The following FNDC5 variants were observed in gnomAD, a reference collection of about 807,000 sequenced individuals.
FNDC5 encodes the protein fibronectin type III domain containing 5, also known as fibronectin type III domain-containing protein 5.
FNDC5 carries 10 observed loss-of-function variants against 24.6 expected under a neutral mutation model. The ratio of observed to expected loss-of-function variants is 0.41; its 90% CI spans 0.25 to 0.69. The LOEUF is 0.69. Among genes scored for constraint, FNDC5 ranks in the 30% least tolerant of loss-of-function variants. The probability of loss-of-function intolerance (pLI) is 0.34; values close to 1 mark genes in which losing one functional copy is unlikely to be tolerated. For missense variants in FNDC5, 226 were observed against 282.9 expected, an observed-to-expected ratio of 0.80 and a Z score of 1.44; for synonymous variants, 90 against 110.7, an observed-to-expected ratio of 0.81 and a Z score of 1.18.
chr1:32,863,934 C>G lies in FNDC5; in HGVS notation c.*360G>C. 7.9e-7 allele frequency: 1 copy of G among 1,271,818 alleles called. No homozygotes were observed. The highest frequency in any genetic ancestry group is 1.0e-6 in the Non-Finnish European group (1 of 987,050). 78.8% of individuals were successfully genotyped at this position (1,271,818 alleles called of 1,614,324 possible). On this transcript the variant is annotated 3_prime_UTR_variant, in exon 6 of 6. Coordinates refer to ENST00000373471, the MANE Select transcript of FNDC5 (RefSeq NM_153756.3). ...TGTGGAAAGAAAAGAGAAGCCCTGC[C>G]TGGATGTCTTGTCTTTTTGCCTTTT...
In FNDC5 at chr1:32,868,225, G is replaced by C; in HGVS notation, c.374C>G (p.Pro125Arg). 6.2e-7 allele frequency: 1 copy of C among 1,614,124 alleles called. No homozygotes were observed. Among genetic ancestry groups the C allele is most frequent in the Non-Finnish European group, 8.5e-7 (1 of 1,180,026 alleles). ...GGAGGCCATCTTCTCAGCCTCACGC[G>C]GGGTCTTGAAGAGCACAGGCTCGCT... The change falls in exon 3 of 6, where the codon CCG (proline) becomes CGG (arginine). Residue 125 changes from proline (P) to arginine (R), a missense_variant. Coordinates refer to ENST00000373471, the MANE Select transcript of FNDC5 (RefSeq NM_153756.3). This position sits in a 1 kb window ranked among gnomAD's most constrained non-coding sequence, Gnocchi z 4.8.
chr1:32,870,649 T>C lies in FNDC5; in HGVS notation c.94+4A>G, dbSNP rs1422175481. 1 of 1,204,512 alleles carries C rather than the reference T, an allele frequency of 8.3e-7. No individual in the cohort carries two copies. The highest frequency in any genetic ancestry group is 1.0e-6 in the Non-Finnish European group (1 of 970,278). 74.6% of individuals were successfully genotyped at this position (1,204,512 alleles called of 1,614,324 possible). On this transcript the variant is annotated splice_donor_region_variant and intron_variant, in intron 1 of 5. Coordinates refer to ENST00000373471, the MANE Select transcript of FNDC5 (RefSeq NM_153756.3). ...CGCCGGCCCCCCGCCCCGGGCCCCC[T>C]TACCCGCCTGCACCAGCGCGAAGCA...
chr1:32,871,085 G>A (rs909299728), upstream of FNDC5: 2 of 149,486 alleles, frequency 1.3e-5, no homozygotes, highest in African/African-American at 4.9e-5. Context: ...GCGGACCCAC[G>A]GCTCCCGCCC....
At chr1:32,866,101 C>G (rs545987382) in intron 4 of FNDC5, among the ~76,000 whole-genome samples, 3 of 152,274 alleles carry the variant, frequency 2.0e-5, no homozygotes, top group African/African-American at 7.2e-5. Flanking sequence ...GTAGATAAAG[C>G]ATAACAACTT....
In FNDC5 at chr1:32,863,877, C is replaced by T; in HGVS notation, c.*417G>A. The T allele has an allele frequency of 2.3e-6, 3 of 1,306,058 alleles. No individual in the cohort carries two copies. The highest frequency in any genetic ancestry group is 3.0e-6 in the Non-Finnish European group (3 of 990,872). The allele number at this position is 1,306,058 out of a possible 1,614,324, so 80.9% of individuals were successfully genotyped here. On this transcript the variant is annotated 3_prime_UTR_variant, in exon 6 of 6. Coordinates refer to ENST00000373471, the MANE Select transcript of FNDC5 (RefSeq NM_153756.3). ...AAGAAGGAAGGGAGCAGCAGCAGGG[C>T]TGTAGCCTAAATAAGCCAAGCTCTT...
At chr1:32,872,460 CCT>C, upstream of FNDC5, 3 of 152,580 alleles carry the variant, frequency 2.0e-5, no homozygotes, top group Non-Finnish European at 4.4e-5. Context: ...AGCCAGAGCA[CCT>C]CTCTCTCTCT....
chr1:32,865,394 C>T (rs1205700707), intron 4 of FNDC5, among the ~76,000 whole-genome samples: 1 of 150,978 alleles, frequency 6.6e-6, no homozygotes, highest in Non-Finnish European at 1.5e-5. Context: ...CCACCATGCC[C>T]GGCAATCCCA....
At chr1:32,865,395 G>A (rs185586464) in intron 4 of FNDC5, among the ~76,000 whole-genome samples, 44 of 150,052 alleles carry the variant, frequency 2.9e-4, no homozygotes, top group African/African-American at 9.5e-4. Context: ...CACCATGCCC[G>A]GCAATCCCAG....
rs1351302275 is a variant in FNDC5, at chr1:32,864,672, G to C, written c.625C>G (p.Arg209Gly). Reference sequence around the variant, plus strand: ...CCAGGTCTTGCCCTCACCTTGCTGCGGAGAAGCCCCCCGCCCTGGTGCTCT... The same window carrying C: ...CCAGGTCTTGCCCTCACCTTGCTGCCGAGAAGCCCCCCGCCCTGGTGCTCT... The change falls in exon 5 of 6, where the codon CGC becomes GGC. Residue 209 changes from arginine (R) to glycine (G), a missense_variant. Arg to Gly is a moderately radical substitution (Grantham distance 125). Coordinates refer to ENST00000373471, the MANE Select transcript of FNDC5 (RefSeq NM_153756.3). 1.2e-6 allele frequency: 2 copies of C among 1,614,008 alleles called. No homozygotes were observed. The highest frequency in any genetic ancestry group is 1.7e-6 in the Non-Finnish European group (2 of 1,180,030).
chr1:32,863,748 A>G lies in FNDC5; in HGVS notation c.*546T>C, dbSNP rs772133195. On this transcript the variant is annotated 3_prime_UTR_variant, in exon 6 of 6. Transcript: ENST00000373471. ...CCTGCAGACAGGCAGTCACGCTTCAATGATGTTCACTGAGGGCTTGTTTGG... is the reference window on the plus strand; with the variant it reads ...CCTGCAGACAGGCAGTCACGCTTCAGTGATGTTCACTGAGGGCTTGTTTGG... 90 of 1,304,606 alleles carry G rather than the reference A, an allele frequency of 6.9e-5. No homozygotes were observed. Among genetic ancestry groups the G allele is most frequent in the Middle Eastern group, 6.4e-4 (3 of 4,702 alleles). 80.8% of individuals were successfully genotyped at this position (1,304,606 alleles called of 1,614,324 possible).
chr1:32,871,570 A>T (rs1259301101), upstream of FNDC5, among the ~76,000 whole-genome samples: 1 of 152,198 alleles, frequency 6.6e-6, no homozygotes, highest in Non-Finnish European at 1.5e-5. Context: ...CTTAATTCTC[A>T]GGGCAACCCT....
rs1186020076 is a variant in FNDC5 at position 32,870,867 on chromosome 1, T to G, written c.-121A>C. 4.3e-5 allele frequency: 7 copies of G among 161,956 alleles called. No individual in the cohort carries two copies. The highest frequency in any genetic ancestry group is 1.8e-4 in the African/African-American group (7 of 39,640). 10.0% of individuals were successfully genotyped at this position (161,956 alleles called of 1,614,324 possible). A position where few individuals can be genotyped will look rare whatever the true frequency, so the allele number is the denominator to read the frequency against. Reference sequence around the variant, plus strand: ...GCCGGCCCGGCCGCTCCGGCCGCCCTGCGCCGCCCCGAGCCGCCTGCATGT... The same window carrying G: ...GCCGGCCCGGCCGCTCCGGCCGCCCGGCGCCGCCCCGAGCCGCCTGCATGT... On this transcript the variant is annotated 5_prime_UTR_variant, in exon 1 of 6. Coordinates refer to ENST00000373471, the MANE Select transcript of FNDC5 (RefSeq NM_153756.3).
Position 32,863,605 on chromosome 1 carries a change from G to T in FNDC5, c.*689C>A. 1.1e-6 allele frequency: 1 copy of T among 916,676 alleles called. No homozygotes were observed. The highest frequency in any genetic ancestry group is 1.6e-6 in the Non-Finnish European group (1 of 644,852). 56.8% of individuals were successfully genotyped at this position (916,676 alleles called of 1,614,324 possible). A position where few individuals can be genotyped will look rare whatever the true frequency, so the allele number is the denominator to read the frequency against. On this transcript the variant is annotated 3_prime_UTR_variant, in exon 6 of 6. Coordinates refer to ENST00000373471, the MANE Select transcript of FNDC5 (RefSeq NM_153756.3). ...AGTGCAGCCTCCTTCATCTGACTAGGACAAGGAGAAGAGAGAACTGTGCAG... is the reference window on the plus strand; with the variant it reads ...AGTGCAGCCTCCTTCATCTGACTAGTACAAGGAGAAGAGAGAACTGTGCAG...
Position 32,864,473 on chromosome 1 carries a change from C to T in FNDC5, c.634-174G>A, listed in dbSNP as rs1036836345. 3.4e-6 allele frequency: 5 copies of T among 1,476,776 alleles called. No homozygotes were observed. The African/African-American group carries it at 5.7e-5, about 17-fold the overall frequency. 91.5% of individuals were successfully genotyped at this position (1,476,776 alleles called of 1,614,324 possible). On this transcript the variant is annotated intron_variant, in intron 5 of 5. Coordinates refer to ENST00000373471, the MANE Select transcript of FNDC5 (RefSeq NM_153756.3). ...TTTTTTTTCTTCAAATCACCACTGG[C>T]CCCTGGCACCCTGCAAAAGGAGAGG...
At chr1:32,865,714 T>C (rs1641059284) in intron 4 of FNDC5, among the ~76,000 whole-genome samples, 1 of 152,034 alleles carries the variant, frequency 6.6e-6, no homozygotes, top group African/African-American at 2.4e-5. Flanking sequence ...ATAGAAACAA[T>C]AATAGCATTT....
chr1:32,868,948 G>T lies in FNDC5; in HGVS notation c.144C>A (p.Asn48Lys). 1 of 1,235,890 alleles carries T rather than the reference G, an allele frequency of 8.1e-7. No homozygotes were observed. Among genetic ancestry groups the T allele is most frequent in the Admixed American group, 4.1e-5 (1 of 24,582 alleles). The allele number at this position is 1,235,890 out of a possible 1,614,324, so 76.6% of individuals were successfully genotyped here. A position where few individuals can be genotyped will look rare whatever the true frequency, so the allele number is the denominator to read the frequency against. Residue 48 changes from asparagine (N) to lysine (K), a missense_variant, in exon 2 of 6, where the codon AAC becomes AAA. Coordinates refer to ENST00000373471, the MANE Select transcript of FNDC5 (RefSeq NM_153756.3). The surrounding 1 kb of genome is among the most constrained non-coding windows in gnomAD (Gnocchi z 4.8). Reference sequence around the variant, plus strand: ...GAACATCCCAGCTCACCACTGCAGAGTTGGCCTTGAGGTGCCTGACGGTGA... The same window carrying T: ...GAACATCCCAGCTCACCACTGCAGATTTGGCCTTGAGGTGCCTGACGGTGA...
rs369180960 is a variant in FNDC5, at chr1:32,864,583, G to A, written c.633+81C>T. ...CCCAGCTGTCGCCATGCCAGTCCCC[G>A]AGCTGACCCCCTCTGCAGTCCAGGG... is the stretch of plus-strand genomic sequence containing the variant. On this transcript the variant is annotated intron_variant, in intron 5 of 5. Coordinates refer to ENST00000373471, the MANE Select transcript of FNDC5 (RefSeq NM_153756.3). 4.8e-5 allele frequency: 77 copies of A among 1,599,228 alleles called. No individual in the cohort carries two copies. In the South Asian group the frequency reaches 5.0e-4, roughly 10 times the overall value.
Position 32,870,710 on chromosome 1 carries a change from C to A in FNDC5, c.37G>T (p.Ala13Ser), listed in dbSNP as rs1040423864. 1.8e-5 allele frequency: 22 copies of A among 1,190,064 alleles called. No homozygotes were observed. The highest frequency in any genetic ancestry group is 2.3e-5 in the Non-Finnish European group (22 of 961,560). 73.7% of individuals were successfully genotyped at this position (1,190,064 alleles called of 1,614,324 possible). Reference sequence around the variant, plus strand: ...AGCCACAGGCGGAGCGCGGCGCGGGCGCGGGGCGGCCAGGCGCTCGGCGAC... The same window carrying A: ...AGCCACAGGCGGAGCGCGGCGCGGGAGCGGGGCGGCCAGGCGCTCGGCGAC... Residue 13 changes from alanine (A) to serine (S), a missense_variant, in exon 1 of 6, where the codon GCC becomes TCC. Ala to Ser is a moderately conservative substitution (Grantham distance 99). Coordinates refer to ENST00000373471, the MANE Select transcript of FNDC5 (RefSeq NM_153756.3).
chr1:32,869,025 G>T, intron 1 of FNDC5, 28 bp from the exon 2 acceptor site: 1 of 1,189,120 alleles, frequency 8.4e-7, no homozygotes, highest in South Asian at 4.3e-5. Context: ...ACCTAAGCCT[G>T]AGCATCCCCT....
Sources: gnomAD v4.1 joint callset for allele counts (sites outside exome capture counted in the v4.1 genomes callset) on GRCh38, gnomAD v4.1.1 for gene constraint, Gnocchi (gnomAD v3.1) non-coding constraint, MANE v1.5 for transcripts, NCBI Gene and HGNC (gene_info 2026-07-23, HGNC 2026-07-21) for gene names.